The following MGMT variants were observed in gnomAD, a reference collection of about 807,000 sequenced individuals.
MGMT encodes the protein O-6-methylguanine-DNA methyltransferase, also known as methylated-DNA--protein-cysteine methyltransferase.
In MGMT, 14 loss-of-function variants were observed where a neutral mutation model predicts 15.9. That is an observed-to-expected ratio of 0.88 (90% CI 0.58 to 1.37). The LOEUF (loss-of-function observed/expected upper bound fraction) is 1.37. Ranked by LOEUF, MGMT falls within the 40% of genes most tolerant of loss-of-function variation. The probability of loss-of-function intolerance (pLI) is 0.00; values close to 1 mark genes in which losing one functional copy is unlikely to be tolerated. For missense variants in MGMT, 282 were observed against 268.1 expected, an observed-to-expected ratio of 1.05 and a Z score of -0.36; for synonymous variants, 130 against 118.2, an observed-to-expected ratio of 1.10 and a Z score of -0.65.
chr10:129,517,850 T>A (rs1025927144), intron 1 of MGMT, among the ~76,000 whole-genome samples: 1 of 152,226 alleles, frequency 6.6e-6, no homozygotes, highest in East Asian at 1.9e-4. Context: ...GACTGCTGAT[T>A]GAATGAATGA....
chr10:129,712,695 C>T (rs569923656), intron 3 of MGMT, among the ~76,000 whole-genome samples: 2 of 152,244 alleles, frequency 1.3e-5, no homozygotes, highest in Admixed American at 6.5e-5. Flanking sequence ...GGGCATGTCC[C>T]GGGAGAGGAT....
At chr10:129,578,051 G>A (rs973719434) in intron 2 of MGMT, among the ~76,000 whole-genome samples, 2 of 152,212 alleles carry the variant, frequency 1.3e-5, no homozygotes, top group African/African-American at 2.4e-5. Context: ...TGGAGAGGAT[G>A]TGGAGAAATA....
At chr10:129,720,666 C>T (rs911027271) in intron 3 of MGMT, among the ~76,000 whole-genome samples, 2 of 152,226 alleles carry the variant, frequency 1.3e-5, no homozygotes, top group African/African-American at 4.8e-5. Context: ...GGCATTTGCA[C>T]CCTGCTAGCA....
intron 2 of MGMT, among the ~76,000 whole-genome samples, chr10:129,547,240 C>T (rs1448676884): frequency 6.6e-6 from 1 of 152,144 alleles, no homozygotes. Context: ...CTGTATCTGT[C>T]TGTTCATCCT....
At chr10:129,616,292 C>G (rs1564738155) in intron 2 of MGMT, among the ~76,000 whole-genome samples, 1 of 152,320 alleles carries the variant, frequency 6.6e-6, no homozygotes, top group Non-Finnish European at 1.5e-5. Context: ...AGCTGCGATG[C>G]TCATCGTGAA....
intron 3 of MGMT, among the ~76,000 whole-genome samples, chr10:129,740,703 G>T (rs182599883): frequency 4.6e-5 from 7 of 152,232 alleles, no homozygotes; most frequent in African/African-American, 1.7e-4. Flanking sequence ...CTGCAGAGAG[G>T]CTTTCAGGAG....
intron 2 of MGMT, among the ~76,000 whole-genome samples, chr10:129,572,169 A>C (rs1846427629): frequency 1.3e-5 from 2 of 152,156 alleles, no homozygotes; most frequent in Non-Finnish European, 2.9e-5. Context: ...AACGGCTTTG[A>C]TGTTACCTCC....
In MGMT at chr10:129,668,530, A is replaced by G. The variant is rs540389376; in HGVS notation, c.126-39365A>G. ...AGAAGTCCATTTATTCCCCATGTCT[A>G]TGCAGTGACCCCTTTGTCACAAGTG... On this transcript the variant is annotated intron_variant, in intron 2 of 4. Transcript: ENST00000651593. 2.6e-5 allele frequency among the ~76,000 whole-genome samples: 4 copies of G among 152,314 alleles called. No individual in the cohort carries two copies. The South Asian group carries it at 6.2e-4, about 24-fold the overall frequency.
chr10:129,644,888 C>T (rs989173365), intron 2 of MGMT, among the ~76,000 whole-genome samples: 4 of 152,160 alleles, frequency 2.6e-5, no homozygotes, highest in East Asian at 1.9e-4. Flanking sequence ...CTCTTCACTG[C>T]GTGGCAGGTC....
At chr10:129,537,863 C>G (rs377409782) in intron 2 of MGMT, among the ~76,000 whole-genome samples, 18 of 152,272 alleles carry the variant, frequency 1.2e-4, no homozygotes, top group African/African-American at 3.8e-4. Flanking sequence ...CCTTCATGGC[C>G]CCTGGGAACT....
In MGMT at chr10:129,598,373, A is replaced by G. The variant is rs1222078985; in HGVS notation, c.125+61996A>G. 3.3e-5 allele frequency among the ~76,000 whole-genome samples: 5 copies of G among 152,128 alleles called. No homozygotes were observed. The East Asian group carries it at 5.8e-4, about 18-fold the overall frequency. ...TCTGTATAAGGGGATGATAGTGCCA[A>G]TCTCTTAGCGTAGGTGACAGATTCC... On this transcript the variant is annotated intron_variant, in intron 2 of 4. Coordinates refer to ENST00000651593, the MANE Select transcript of MGMT (RefSeq NM_002412.5).
chr10:129,473,006 AGTGGGCAG>A (rs1206171723), intron 1 of MGMT, among the ~76,000 whole-genome samples: 1 of 152,162 alleles, frequency 6.6e-6, no homozygotes, highest in Non-Finnish European at 1.5e-5. Context: ...ATCGGCCTAG[AGTGGGCAG>A]GTGGGCTTCA....
intron 2 of MGMT, among the ~76,000 whole-genome samples, chr10:129,577,928 A>G (rs1055529310): frequency 3.3e-5 from 5 of 152,258 alleles, no homozygotes; most frequent in Non-Finnish European, 5.9e-5. Context: ...AAACACATGA[A>G]AAAATGCTCA....
At chr10:129,522,449 GC>G (rs1180230720) in intron 1 of MGMT, among the ~76,000 whole-genome samples, 1 of 152,194 alleles carries the variant, frequency 6.6e-6, no homozygotes, top group African/African-American at 2.4e-5. Flanking sequence ...TGGGGTGGGT[GC>G]CCGTCCTGGA....
intron 3 of MGMT, among the ~76,000 whole-genome samples, chr10:129,747,632 G>C (rs1455594118): frequency 1.3e-5 from 2 of 152,104 alleles, no homozygotes; most frequent in African/African-American, 4.8e-5. Context: ...TCTTACATTA[G>C]TACGGTACAT....
chr10:129,646,404 C>T (rs1847389079), intron 2 of MGMT, among the ~76,000 whole-genome samples: 1 of 152,022 alleles, frequency 6.6e-6, no homozygotes, highest in Admixed American at 6.6e-5. Context: ...CTACATGGCA[C>T]CTAAGACTCA....
chr10:129,507,053 G>A (rs1319085939), intron 1 of MGMT, among the ~76,000 whole-genome samples: 1 of 152,186 alleles, frequency 6.6e-6, no homozygotes, highest in Non-Finnish European at 1.5e-5. Context: ...CTAAAGTGGG[G>A]GTTCCAGTGC....
chr10:129,737,018 A>G (rs1033227798), intron 3 of MGMT, among the ~76,000 whole-genome samples: 4 of 152,078 alleles, frequency 2.6e-5, no homozygotes, highest in African/African-American at 9.7e-5. Context: ...AACTTTGGTG[A>G]ATCTGACAAT....
intron 2 of MGMT, among the ~76,000 whole-genome samples, chr10:129,612,048 A>G (rs370014765): frequency 6.6e-6 from 1 of 152,294 alleles, no homozygotes; most frequent in African/African-American, 2.4e-5. Context: ...TGAGACATCA[A>G]TCAAATACAT....
Sources: allele counts gnomAD v4.1 joint callset (sites outside exome capture counted in the v4.1 genomes callset), GRCh38; gene constraint gnomAD v4.1.1; transcripts MANE v1.5; gene names NCBI Gene and HGNC (gene_info 2026-07-23, HGNC 2026-07-21).